MSR1: variants seen among roughly 807,000 people sequenced by gnomAD.
The protein encoded by MSR1 is macrophage scavenger receptor 1.
Under a neutral mutation model 47.2 loss-of-function variants are expected in MSR1, and 53 were observed. The observed-to-expected ratio is 1.12, with a 90% CI of 0.90 to 1.41. The LOEUF (loss-of-function observed/expected upper bound fraction) is 1.41, where lower values mean the gene tolerates loss of function less well. MSR1 is among the 40% of genes most tolerant of loss of function. The probability of loss-of-function intolerance (pLI) is 0.00; values close to 1 mark genes in which losing one functional copy is unlikely to be tolerated. For missense variants in MSR1, 786 were observed against 546.9 expected (o/e 1.44, Z -4.36); for synonymous variants, 239 against 185.6 (o/e 1.29, Z -2.34).
At chr8:16,122,954 C>T (rs1051365856) in intron 8 of MSR1, among the ~76,000 whole-genome samples, 1 of 150,982 alleles carries the variant, frequency 6.6e-6, no homozygotes, top group Non-Finnish European at 1.5e-5. Flanking sequence ...AAGCCATCCT[C>T]CTGCCTCAGC....
chr8:16,163,496 A>G (rs1801218029), intron 5 of MSR1, among the ~76,000 whole-genome samples: 1 of 151,508 alleles, frequency 6.6e-6, no homozygotes, highest in African/African-American at 2.4e-5. Context: ...ATGTAAAGCT[A>G]AAACTAAAAT....
chr8:16,184,946 T>A lies in MSR1; in HGVS notation c.-4-6954A>T, dbSNP rs1291129476. On this transcript the variant is annotated intron_variant, in intron 1 of 9. Coordinates refer to ENST00000262101, the MANE Select transcript of MSR1 (RefSeq NM_138715.3). ...ATGTCTATGAGTGATTTAGACTAAC[T>A]GACACTATTTAGTCTATAAAATACC... is the stretch of plus-strand genomic sequence containing the variant. 2.0e-5 allele frequency among the ~76,000 whole-genome samples: 3 copies of A among 150,708 alleles called. No homozygotes were observed. The Admixed American group carries it at 2.0e-4, about 10-fold the overall frequency.
At chr8:16,143,122 A>G (rs1195789776) in intron 8 of MSR1, among the ~76,000 whole-genome samples, 1 of 152,156 alleles carries the variant, frequency 6.6e-6, no homozygotes, top group African/African-American at 2.4e-5. Context: ...TCAAGTTTTT[A>G]GAAAAATAAA....
chr8:16,110,295 T>G, intron 9 of MSR1, 77 bp from the exon 10 acceptor site: 1 of 1,505,588 alleles, frequency 6.6e-7, no homozygotes. Flanking sequence ...AGCCATTAAT[T>G]CCTTCACTAA....
At chr8:16,189,367 T>C (rs1344630155) in intron 1 of MSR1, among the ~76,000 whole-genome samples, 2 of 93,232 alleles carry the variant, frequency 2.1e-5, no homozygotes, top group East Asian at 3.0e-4. Context: ...TATTTTTATA[T>C]ATATTTTATA....
In MSR1 at chr8:16,168,474, GTATTCTCTTGGAT is replaced by G. The variant is rs1801381136; in HGVS notation, c.601_613del (p.Ile201ProfsTer11). The G allele has an allele frequency of 6.2e-7, 1 of 1,614,070 alleles. No homozygotes were observed. The highest frequency in any genetic ancestry group is 1.3e-5 in the African/African-American group (1 of 75,038). On this transcript the variant is annotated frameshift_variant, in exon 4 of 10. Transcript: ENST00000262101. LOFTEE classifies it high-confidence loss of function. ...AACTCTTACCTCTTGTTGTTTGAAG[GTATTCTCTTGGAT>G]TTTGCCATTCAGATTTTCTATGTTG... is the stretch of plus-strand genomic sequence containing the variant.
At position 16,181,937 on chromosome 8, in the gene MSR1, CAT is replaced by C. The variant is rs778567517; in HGVS notation, c.-4-3947_-4-3946del. Among the ~76,000 whole-genome samples, 8 of 152,234 alleles carry C rather than the reference CAT, an allele frequency of 5.3e-5. No homozygotes were observed. The South Asian group carries it at 6.2e-4, about 12-fold the overall frequency. On this transcript the variant is annotated intron_variant, in intron 1 of 9. Coordinates refer to ENST00000262101, the MANE Select transcript of MSR1 (RefSeq NM_138715.3). ...TTCAAGTATACCTGGTATGTATAGA[CAT>C]GTGTCAATTAAGGACAAAGATACGT...
chr8:16,167,157 C>T (rs1162140967), intron 4 of MSR1, among the ~76,000 whole-genome samples: 1 of 152,142 alleles, frequency 6.6e-6, no homozygotes, highest in East Asian at 1.9e-4. Flanking sequence ...TTGATCGTTT[C>T]CATTAATTAT....
intron 4 of MSR1, among the ~76,000 whole-genome samples, chr8:16,166,662 G>A (rs1300321430): frequency 6.6e-6 from 1 of 152,024 alleles, no homozygotes. Flanking sequence ...TAGTCGTACA[G>A]TCCTTTTCAC....
chr8:16,120,046 C>T (rs758595965), intron 9 of MSR1, among the ~76,000 whole-genome samples: 6 of 152,022 alleles, frequency 3.9e-5, no homozygotes, highest in Non-Finnish European at 5.9e-5. Flanking sequence ...ACTTTATTCT[C>T]TGTCTTTAGA....
At chr8:16,171,228 C>CAAAAAAAAAAAAAAAAA (rs34662759) in intron 3 of MSR1, among the ~76,000 whole-genome samples, 2 of 75,434 alleles carry the variant, frequency 2.7e-5, no homozygotes, top group Non-Finnish European at 5.3e-5. Context: ...GACTCAGTCT[C>CAAAAAAAAAAAAAAAAA]AAAAAAAAAA....
At chr8:16,182,585 T>G (rs1801866510) in intron 1 of MSR1, among the ~76,000 whole-genome samples, 1 of 151,964 alleles carries the variant, frequency 6.6e-6, no homozygotes, top group Admixed American at 6.6e-5. Context: ...TGTTTCTACT[T>G]CTTTAACTTT....
At chr8:16,162,899 T>G (rs982911411) in intron 5 of MSR1, among the ~76,000 whole-genome samples, 2 of 151,752 alleles carry the variant, frequency 1.3e-5, no homozygotes, top group African/African-American at 4.8e-5. Context: ...TCCACAAGAT[T>G]GTCTGTATAA....
rs557456789 is a variant in MSR1, at chr8:16,188,721, C to G, written c.-5+3877G>C. 2.0e-5 allele frequency among the ~76,000 whole-genome samples: 3 copies of G among 152,038 alleles called. No homozygotes were observed. In the East Asian group the frequency reaches 5.8e-4, roughly 29 times the overall value. ...GCTCCCCTCCCTGTGTCCACGTGCT[C>G]TCACTGTTCAACTGTCACTTATGAG... On this transcript the variant is annotated intron_variant, in intron 1 of 9. Transcript: ENST00000262101.
intron 1 of MSR1, among the ~76,000 whole-genome samples, chr8:16,189,352 TTA>T (rs1205607843): frequency 8.9e-6 from 1 of 112,328 alleles, no homozygotes; most frequent in Non-Finnish European, 1.7e-5. Flanking sequence ...AAATCTTATT[TTA>T]TATATTTTTA....
At chr8:16,120,802 C>T (rs12678705) in intron 8 of MSR1, 196 bp from the exon 9 acceptor site, 19,801 of 694,512 alleles carry the variant, frequency 0.029, 892 homozygotes, top group East Asian at 0.13. Context: ...AATATTGCAG[C>T]TTTAACAGCT....
intron 7 of MSR1, among the ~76,000 whole-genome samples, chr8:16,143,829 C>T (rs1011275611): frequency 2.0e-5 from 3 of 151,898 alleles, no homozygotes; most frequent in African/African-American, 7.3e-5. Flanking sequence ...TTTACAAGGC[C>T]CTAAATGCCC....
At chr8:16,151,644 A>T (rs1362494314) in intron 6 of MSR1, among the ~76,000 whole-genome samples, 1 of 152,188 alleles carries the variant, frequency 6.6e-6, no homozygotes, top group East Asian at 1.9e-4. Flanking sequence ...AAGTACAGTT[A>T]CATGGAATCT....
chr8:16,161,657 T>A (rs1186092170), intron 5 of MSR1, among the ~76,000 whole-genome samples: 4 of 152,040 alleles, frequency 2.6e-5, no homozygotes, highest in Non-Finnish European at 5.9e-5. Flanking sequence ...TTTGTGTTTA[T>A]CATTTTCTTA....
Sources: allele counts gnomAD v4.1 joint callset (sites outside exome capture counted in the v4.1 genomes callset), GRCh38; gene constraint gnomAD v4.1.1; transcripts MANE v1.5; gene names NCBI Gene and HGNC (gene_info 2026-07-23, HGNC 2026-07-21).